The following ACOT7 variants were observed in gnomAD, a reference collection of about 807,000 sequenced individuals.
The protein encoded by ACOT7 is cytosolic acyl coenzyme A thioester hydrolase.
A neutral mutation model predicts 40.2 loss-of-function variants in ACOT7; 12 were observed. The ratio of observed to expected loss-of-function variants is 0.30; its 90% CI spans 0.19 to 0.48. The LOEUF (loss-of-function observed/expected upper bound fraction) is 0.48, where lower values mean the gene tolerates loss of function less well. Among genes scored for constraint, ACOT7 ranks in the 20% least tolerant of loss-of-function variants. The pLI, the probability that ACOT7 is intolerant of heterozygous loss-of-function variation, is 0.99. For missense variants in ACOT7, 395 were observed against 530.8 expected (o/e 0.74, Z 2.51); for synonymous variants, 228 against 219.5 (o/e 1.04, Z -0.34).
chr1:6,365,163 CTA>C (rs1340594997), intron 1 of ACOT7, among the ~76,000 whole-genome samples: 1 of 152,164 alleles, frequency 6.6e-6, no homozygotes, highest in Non-Finnish European at 1.5e-5. Context: ...GAAACACAAA[CTA>C]TAGTGACAGA....
chr1:6,274,245 A>G lies in ACOT7; in HGVS notation c.1014+6857T>C, dbSNP rs941032919. Among the ~76,000 whole-genome samples the G allele has an allele frequency of 6.6e-6, 1 of 152,210 alleles. No individual in the cohort carries two copies. Among genetic ancestry groups the G allele is most frequent in the Non-Finnish European group, 1.5e-5 (1 of 68,024 alleles). On this transcript the variant is annotated intron_variant, in intron 8 of 8. Transcript: ENST00000361521. This position sits in a 1 kb window ranked among gnomAD's most constrained non-coding sequence, Gnocchi z 5.9. ...AAGGCACGGAGAGGGAACTTGGGGT[A>G]ACAGCCTGGCGACGGCTCAAGACAG...
At chr1:6,269,125 G>A (rs1326420403) in intron 8 of ACOT7, among the ~76,000 whole-genome samples, 1 of 152,244 alleles carries the variant, frequency 6.6e-6, no homozygotes, top group Non-Finnish European at 1.5e-5. Flanking sequence ...TTTTACCAAT[G>A]AGGAAGTGAA....
At position 6,359,208 on chromosome 1, in the gene ACOT7, A is replaced by C; in HGVS notation, c.144-9342T>G. On this transcript the variant is annotated intron_variant, in intron 1 of 8. Coordinates refer to ENST00000361521, the MANE Select transcript of ACOT7 (RefSeq NM_007274.4). This position sits in a 1 kb window ranked among gnomAD's most constrained non-coding sequence, Gnocchi z 4.1. ...TCTGCCTTCTCTGACAGGGCACAAG[A>C]CCCCCTAGTCTTTCTCCAGGGTCTC... 1 of 207,388 alleles carries C rather than the reference A, an allele frequency of 4.8e-6. No homozygotes were observed. The highest frequency in any genetic ancestry group is 7.9e-5 in the South Asian group (1 of 12,710). The allele number at this position is 207,388 out of a possible 1,614,324, so 12.8% of individuals were successfully genotyped here.
chr1:6,265,633 G>A (rs1334052511), intron 8 of ACOT7, among the ~76,000 whole-genome samples: 2 of 152,200 alleles, frequency 1.3e-5, no homozygotes, highest in African/African-American at 4.8e-5. Context: ...TGGCCCCTGG[G>A]CAGGTGCCAC....
chr1:6,307,120 G>A (rs985761191), intron 6 of ACOT7, among the ~76,000 whole-genome samples: 1 of 152,202 alleles, frequency 6.6e-6, no homozygotes, highest in South Asian at 2.1e-4. Context: ...CAGAAGGTTT[G>A]ACTCCCAACC....
chr1:6,291,501 G>A (rs921764830), intron 7 of ACOT7, among the ~76,000 whole-genome samples: 2 of 152,182 alleles, frequency 1.3e-5, no homozygotes, highest in African/African-American at 4.8e-5. Flanking sequence ...AACTGGGGGC[G>A]AACAGATGTC....
At chr1:6,369,755 T>C (rs957452518) in intron 1 of ACOT7, among the ~76,000 whole-genome samples, 1 of 151,854 alleles carries the variant, frequency 6.6e-6, no homozygotes. Flanking sequence ...ATTTTTTGTA[T>C]TTTTTGTAGA....
chr1:6,378,359 A>G (rs1412531065), intron 1 of ACOT7, among the ~76,000 whole-genome samples: 3 of 151,836 alleles, frequency 2.0e-5, no homozygotes, highest in Admixed American at 2.0e-4. Flanking sequence ...TTTACAGCAA[A>G]GCACACAGAC....
rs116127221 is a variant in ACOT7 at position 6,360,476 on chromosome 1, G to A, written c.144-10610C>T. 367 of 1,517,332 alleles carry A rather than the reference G, an allele frequency of 2.4e-4. No individual in the cohort carries two copies. In the African/African-American group the frequency reaches 4.0e-3, roughly 16 times the overall value. The allele number at this position is 1,517,332 out of a possible 1,614,324, so 94.0% of individuals were successfully genotyped here. A position where few individuals can be genotyped will look rare whatever the true frequency, so the allele number is the denominator to read the frequency against. On this transcript the variant is annotated intron_variant, in intron 1 of 8. Transcript: ENST00000361521. ...AGGGCCAGGGTCTTGAAGCCACAGC[G>A]TCTCCCACCCTGGCACACAGGACAG...
intron 1 of ACOT7, among the ~76,000 whole-genome samples, chr1:6,393,003 T>C (rs1239377765): frequency 6.6e-6 from 1 of 151,720 alleles, no homozygotes; most frequent in South Asian, 2.1e-4. Flanking sequence ...AAACGGCCCG[T>C]GGCGCGGCCG....
chr1:6,312,201 C>T (rs955838484), intron 6 of ACOT7, among the ~76,000 whole-genome samples: 4 of 152,052 alleles, frequency 2.6e-5, no homozygotes, highest in Non-Finnish European at 4.4e-5. Context: ...ACAGGATGGG[C>T]GGTTAGCAGG....
intron 4 of ACOT7, among the ~76,000 whole-genome samples, chr1:6,329,071 T>A (rs1450251324): frequency 6.6e-6 from 1 of 152,264 alleles, no homozygotes; most frequent in Non-Finnish European, 1.5e-5. Flanking sequence ...TCTGGGCCCC[T>A]CGGCCGCCTG....
At chr1:6,373,699 T>C (rs1321536031) in intron 1 of ACOT7, among the ~76,000 whole-genome samples, 2 of 151,984 alleles carry the variant, frequency 1.3e-5, no homozygotes, top group African/African-American at 4.8e-5. Flanking sequence ...ACCCCGTCTC[T>C]ACTAAAAATA....
rs143647019 is a variant in ACOT7 at position 6,322,929 on chromosome 1, G to A, written c.626-4351C>T. On this transcript the variant is annotated intron_variant, in intron 5 of 8. Coordinates refer to ENST00000361521, the MANE Select transcript of ACOT7 (RefSeq NM_007274.4). ...GTGGATCACCTGAGGTCAGGAGTTC[G>A]AGACCAACCTGGCCAACATGGTGAA... Among the ~76,000 whole-genome samples, 1,501 of 152,046 alleles carry A rather than the reference G, an allele frequency of 9.9e-3. 16 individuals are homozygous for A. The highest frequency in any genetic ancestry group is 0.041 in the Middle Eastern group (12 of 292).
chr1:6,342,217 C>A (rs1347698721), intron 2 of ACOT7, among the ~76,000 whole-genome samples: 1 of 152,180 alleles, frequency 6.6e-6, no homozygotes, highest in East Asian at 1.9e-4. Context: ...CTCGTGTGTC[C>A]TCACGTGGTG....
chr1:6,327,217 C>G lies in ACOT7; in HGVS notation c.625+82G>C, dbSNP rs373816706. Reference sequence around the variant, plus strand: ...CACCTGGGGAACCTCAAGCATGAGGCTCACGTAGGCCCGGCCTGCTCCTGC... The same window carrying G: ...CACCTGGGGAACCTCAAGCATGAGGGTCACGTAGGCCCGGCCTGCTCCTGC... On this transcript the variant is annotated intron_variant, in intron 5 of 8. Coordinates refer to ENST00000361521, the MANE Select transcript of ACOT7 (RefSeq NM_007274.4). The G allele has an allele frequency of 3.7e-5, 51 of 1,371,904 alleles. No individual in the cohort carries two copies. The South Asian group carries it at 6.3e-4, about 17-fold the overall frequency. The allele number at this position is 1,371,904 out of a possible 1,614,324, so 85.0% of individuals were successfully genotyped here. A position where few individuals can be genotyped will look rare whatever the true frequency, so the allele number is the denominator to read the frequency against.
chr1:6,312,458 T>C (rs1255215099), intron 6 of ACOT7, among the ~76,000 whole-genome samples: 1 of 128,566 alleles, frequency 7.8e-6, no homozygotes, highest in Admixed American at 8.4e-5. Flanking sequence ...TATCTCTCCC[T>C]TTCTTTCTTT....
intron 1 of ACOT7, among the ~76,000 whole-genome samples, chr1:6,379,871 G>A (rs948179011): frequency 6.6e-6 from 1 of 151,300 alleles, no homozygotes; most frequent in African/African-American, 2.4e-5. Flanking sequence ...GACTAGCCTG[G>A]CCAACGTGTT....
In ACOT7 at chr1:6,278,199, G is replaced by T. The variant is rs1639254315; in HGVS notation, c.1014+2903C>A. ...GTGCTGTAGCTCCAGGAGGCTCTGG[G>T]GAGGGTGGTCCAGATGGGAGCAGCA... is the stretch of plus-strand genomic sequence containing the variant. On this transcript the variant is annotated intron_variant, in intron 8 of 8. Transcript: ENST00000361521. The surrounding 1 kb of genome is among the most constrained non-coding windows in gnomAD (Gnocchi z 4.1). Among the ~76,000 whole-genome samples the T allele has an allele frequency of 6.6e-6, 1 of 152,166 alleles. No individual in the cohort carries two copies. Among genetic ancestry groups the T allele is most frequent in the African/African-American group, 2.4e-5 (1 of 41,422 alleles).
Sources: gnomAD v4.1 joint callset for allele counts (sites outside exome capture counted in the v4.1 genomes callset) on GRCh38, gnomAD v4.1.1 for gene constraint, Gnocchi (gnomAD v3.1) non-coding constraint, MANE v1.5 for transcripts, NCBI Gene and HGNC (gene_info 2026-07-23, HGNC 2026-07-21) for gene names.